SNAPC1: variants seen among roughly 807,000 people sequenced by gnomAD.
SNAPC1 encodes small nuclear RNA activating complex polypeptide 1.
SNAPC1 carries 42 observed loss-of-function variants against 50.1 expected under a neutral mutation model. The observed-to-expected ratio is 0.84, with a 90% CI of 0.65 to 1.08. The LOEUF is 1.08. SNAPC1 is among the 50% of genes least tolerant of loss of function. The pLI, the probability that SNAPC1 is intolerant of heterozygous loss-of-function variation, is 0.00. For synonymous variants in SNAPC1, 164 were observed against 144.2 expected (o/e 1.14, Z -0.98); for missense variants, 477 against 427.3 (o/e 1.12, Z -1.02).
intron 4 of SNAPC1, among the ~76,000 whole-genome samples, chr14:61,770,350 C>G (rs1488412570): frequency 6.6e-6 from 1 of 150,568 alleles, no homozygotes; most frequent in Non-Finnish European, 1.5e-5. Flanking sequence ...TCAAGTGATT[C>G]TTGTGTCTCA....
chr14:61,794,996 G>T lies in SNAPC1; in HGVS notation c.*13G>T, dbSNP rs754613267. Reference sequence around the variant, plus strand: ...GAGAAAACACTGAACAAAGAGCCTGGTGTAGTTTTTAATTTTGAGTTTTCT... The same window carrying T: ...GAGAAAACACTGAACAAAGAGCCTGTTGTAGTTTTTAATTTTGAGTTTTCT... On this transcript the variant is annotated 3_prime_UTR_variant, in exon 10 of 10. Coordinates refer to ENST00000216294, the MANE Select transcript of SNAPC1 (RefSeq NM_003082.4). 1.4e-5 allele frequency: 21 copies of T among 1,550,480 alleles called. No homozygotes were observed. Among genetic ancestry groups the T allele is most frequent in the Non-Finnish European group, 1.8e-5 (21 of 1,147,648 alleles).
intron 1 of SNAPC1, 127 bp from the exon 2 acceptor site, chr14:61,766,749 C>G: frequency 2.0e-6 from 1 of 508,432 alleles, no homozygotes; most frequent in Non-Finnish European, 3.4e-6. Flanking sequence ...GTGCTTGAAT[C>G]ATGAAAGAAT....
At chr14:61,785,775 G>T (rs559872704) in intron 8 of SNAPC1, among the ~76,000 whole-genome samples, 93 of 152,238 alleles carry the variant, frequency 6.1e-4, no homozygotes, top group African/African-American at 2.2e-3. Flanking sequence ...CAAATAATAC[G>T]CAATTTACTC....
rs142539160 is a variant in SNAPC1, at chr14:61,792,843, TA to T, written c.1015del (p.Ser339ValfsTer2). On this transcript the variant is annotated frameshift_variant, in exon 9 of 10. Transcript: ENST00000216294. LOFTEE classifies it high-confidence loss of function. ...AATATACACAAGGAAGATAAACCTT[TA>T]AGTCTGAGTATGCCTGTAATTACAG... ...VQNIHKEDKPLSLSMPVITEE... is the reference protein window; with the variant it reads ...VQNIHKEDKPXSLSMPVITEE... 6,872 of 1,600,668 alleles carry T rather than the reference TA, an allele frequency of 4.3e-3. 24 individuals are homozygous for T. The highest frequency in any genetic ancestry group is 5.3e-3 in the Non-Finnish European group (6,165 of 1,170,744).
intron 4 of SNAPC1, among the ~76,000 whole-genome samples, chr14:61,771,586 C>T (rs1042763156): frequency 6.6e-6 from 1 of 152,028 alleles, no homozygotes; most frequent in African/African-American, 2.4e-5. Flanking sequence ...TGTATTTTGT[C>T]TTTTTGGCAG....
chr14:61,789,872 A>G lies in SNAPC1; in HGVS notation c.977-2935A>G, dbSNP rs186595365. The stretch of plus-strand genomic sequence containing the variant: ...TTGAAGAAAATCAGTCTGGGAGTAG[A>G]ATGGTAGGTAGCTGGGAACAAACTG... On this transcript the variant is annotated intron_variant, in intron 8 of 9. Transcript: ENST00000216294. Among the ~76,000 whole-genome samples the G allele has an allele frequency of 3.2e-4, 48 of 152,292 alleles. No individual in the cohort carries two copies. In the East Asian group the frequency reaches 7.5e-3, roughly 24 times the overall value.
intron 8 of SNAPC1, among the ~76,000 whole-genome samples, chr14:61,789,965 A>G (rs1048154130): frequency 6.6e-6 from 1 of 152,208 alleles, no homozygotes; most frequent in African/African-American, 2.4e-5. Flanking sequence ...CGTGTGCCAC[A>G]TGGTTGTAGG....
intron 1 of SNAPC1, among the ~76,000 whole-genome samples, chr14:61,764,910 A>T (rs1041896392): frequency 2.0e-5 from 3 of 152,180 alleles, no homozygotes; most frequent in African/African-American, 7.2e-5. Context: ...CATTGTAATC[A>T]GATATAATAG....
intron 4 of SNAPC1, among the ~76,000 whole-genome samples, chr14:61,775,088 T>C (rs531301158): frequency 2.6e-5 from 4 of 152,284 alleles, no homozygotes; most frequent in African/African-American, 9.6e-5. Context: ...TAGTTCTCTC[T>C]TGATCTTAGA....
chr14:61,782,646 A>G (rs1369186180), intron 8 of SNAPC1, among the ~76,000 whole-genome samples: 1 of 152,220 alleles, frequency 6.6e-6, no homozygotes, highest in Non-Finnish European at 1.5e-5. Context: ...GCTATGGCTC[A>G]TGCCTGTAAT....
intron 6 of SNAPC1, among the ~76,000 whole-genome samples, chr14:61,778,481 C>T (rs911399856): frequency 2.0e-5 from 3 of 152,178 alleles, no homozygotes; most frequent in East Asian, 1.9e-4. Flanking sequence ...CTGCTTCCTG[C>T]CTCCAGAGTT....
At chr14:61,779,678 T>C (rs887286420) in intron 7 of SNAPC1, among the ~76,000 whole-genome samples, 2 of 142,142 alleles carry the variant, frequency 1.4e-5, no homozygotes, top group Non-Finnish European at 3.0e-5. Context: ...TTCTTTTTTT[T>C]CTATTTGTTT....
rs780700324 is a variant in SNAPC1, at chr14:61,768,646, G to A, written c.440G>A (p.Arg147Lys). The stretch of plus-strand genomic sequence containing the variant: ...CGTATTATCACATAGCTGTCATATA[G>A]GATGAAGAAAAAAATTCACCGAGCT... The part of the protein sequence containing the change: ...FTAMPKLLSY[R>K]MKKKIHRAEV... Residue 147 changes from arginine to lysine, a missense_variant, in exon 4 of 10, where the codon AGG becomes AAG. Coordinates refer to ENST00000216294, the MANE Select transcript of SNAPC1 (RefSeq NM_003082.4). The A allele has an allele frequency of 6.3e-7, 1 of 1,584,460 alleles. No individual in the cohort carries two copies. The highest frequency in any genetic ancestry group is 8.7e-7 in the Non-Finnish European group (1 of 1,154,044).
chr14:61,767,375 G>GT (rs1030835284), intron 3 of SNAPC1, 23 bp downstream of exon 3: 1 of 1,389,584 alleles, frequency 7.2e-7, no homozygotes, highest in South Asian at 1.9e-5. Context: ...AAATAATTTG[G>GT]TTTTTTCAAA....
chr14:61,794,857 A>G (rs2045177210), intron 9 of SNAPC1, 92 bp from the exon 10 acceptor site: 1 of 820,254 alleles, frequency 1.2e-6, no homozygotes, highest in South Asian at 1.4e-5. Context: ...TGTATTATCA[A>G]TTAGGTATTA....
chr14:61,786,283 C>CA (rs76921729), intron 8 of SNAPC1, among the ~76,000 whole-genome samples: 16 of 150,652 alleles, frequency 1.1e-4, no homozygotes, highest in Non-Finnish European at 1.3e-4. Flanking sequence ...AATCATGAAA[C>CA]AAAAAAAAAC....
chr14:61,788,829 G>A (rs2045132520), intron 8 of SNAPC1, among the ~76,000 whole-genome samples: 1 of 152,124 alleles, frequency 6.6e-6, no homozygotes, highest in Non-Finnish European at 1.5e-5. Context: ...AAATATAAAA[G>A]GAAATTCATT....
intron 1 of SNAPC1, among the ~76,000 whole-genome samples, chr14:61,763,337 A>T (rs2044922445): frequency 3.3e-5 from 5 of 151,962 alleles, no homozygotes; most frequent in African/African-American, 9.6e-5. Flanking sequence ...TCACTCCCCG[A>T]CTTATTACTC....
chr14:61,794,609 C>T (rs1185973182), intron 9 of SNAPC1, among the ~76,000 whole-genome samples: 1 of 152,096 alleles, frequency 6.6e-6, no homozygotes, highest in Non-Finnish European at 1.5e-5. Flanking sequence ...GGGGTTTCAC[C>T]ATGTTAGCCA....
Sources: allele counts gnomAD v4.1 joint callset (sites outside exome capture counted in the v4.1 genomes callset), GRCh38; gene constraint gnomAD v4.1.1; transcripts MANE v1.5; gene names NCBI Gene and HGNC (gene_info 2026-07-23, HGNC 2026-07-21).